The following PPRC1 variants were observed in gnomAD, a reference collection of about 807,000 sequenced individuals.
PPRC1 encodes peroxisome proliferator-activated receptor gamma coactivator-related protein 1.
A neutral mutation model predicts 132.5 loss-of-function variants in PPRC1; 23 were observed. The ratio of observed to expected loss-of-function variants is 0.17; its 90% confidence interval spans 0.12 to 0.25. The LOEUF is 0.25. PPRC1 is among the 10% of genes least tolerant of loss of function. PPRC1 has a pLI of 1.00. For missense variants in PPRC1, 2,006 were observed against 2,089.1 expected, an observed-to-expected ratio of 0.96 and a Z score of 0.78; for synonymous variants, 872 against 833.5, an observed-to-expected ratio of 1.05 and a Z score of -0.80.
At position 102,149,230 on chromosome 10, in the gene PPRC1, A is replaced by G; in HGVS notation, c.4792A>G (p.Ile1598Val). ...YRYAEEAFAA[I>V]ESGHKLRQAD... ...CTATGCTGAGGAGGCATTTGCAGCCATTGAGAGTGGCCACAAGCTGCGGCA... is the reference window on the plus strand; with the variant it reads ...CTATGCTGAGGAGGCATTTGCAGCCGTTGAGAGTGGCCACAAGCTGCGGCA... Residue 1598 changes from isoleucine (I) to valine (V), a missense_variant, in exon 13 of 14, where the codon ATT (isoleucine) becomes GTT (valine). By Grantham distance (29) the Ile-to-Val change is conservative. Coordinates refer to ENST00000278070, the MANE Select transcript of PPRC1 (RefSeq NM_015062.5). 4 of 1,612,048 alleles carry G rather than the reference A, an allele frequency of 2.5e-6. No homozygotes were observed. Among genetic ancestry groups the G allele is most frequent in the Non-Finnish European group, 3.4e-6 (4 of 1,179,004 alleles).
chr10:102,144,718 A>T, intron 7 of PPRC1: 1 of 486,062 alleles, frequency 2.1e-6, no homozygotes, highest in Non-Finnish European at 3.7e-6. Context: ...TCTGCCAAGC[A>T]TGTTCCCCTC....
At position 102,142,400 on chromosome 10, in the gene PPRC1, CTTTTTTTTTTTTTTTTTTT is replaced by C. The variant is rs71016364; in HGVS notation, c.3496+414_3496+432del. On this transcript the variant is annotated intron_variant, in intron 5 of 13. Coordinates refer to ENST00000278070, the MANE Select transcript of PPRC1 (RefSeq NM_015062.5). ...ATAGGCGTGAGCCGCTGCACCATGCCTTTTTTTTTTTTTTTTTTTTTTTTTTTTTTTTTTTTGAGATGGA... is the reference window on the plus strand; with the variant it reads ...ATAGGCGTGAGCCGCTGCACCATGCCTTTTTTTTTTTTTTTTTGAGATGGA... Among the ~76,000 whole-genome samples, 8 of 61,234 alleles carry C rather than the reference CTTTTTTTTTTTTTTTTTTT, an allele frequency of 1.3e-4. 1 individual carries two copies. The highest frequency in any genetic ancestry group is 3.9e-4 in the East Asian group (1 of 2,548). 40.2% of individuals were successfully genotyped at this position (61,234 alleles called of 152,430 possible).
chr10:102,133,701 G>A (rs1176081285), intron 1 of PPRC1, among the ~76,000 whole-genome samples: 2 of 151,786 alleles, frequency 1.3e-5, no homozygotes, highest in Non-Finnish European at 2.9e-5. Flanking sequence ...CGTGGGGGCG[G>A]GGAAGGAACG....
chr10:102,138,904 G>A lies in PPRC1; in HGVS notation c.515G>A (p.Arg172Gln), dbSNP rs768209492. The change falls in exon 4 of 14, where the codon CGG becomes CAG. Residue 172 changes from arginine (R) to glutamine (Q), a missense_variant. Physicochemically the swap from Arg to Gln is conservative, Grantham distance 43. Transcript: ENST00000278070. ...CTGCACAAGCTGCTTACTCTCTCTC[G>A]GACACCCCCAGAACGTGACCTCATC... ...SSLHKLLTLS[R>Q]TPPERDLITP... 42 of 1,613,986 alleles carry A rather than the reference G, an allele frequency of 2.6e-5. No homozygotes were observed. The highest frequency in any genetic ancestry group is 2.9e-5 in the Non-Finnish European group (34 of 1,179,972).
chr10:102,141,364 C>G lies in PPRC1; in HGVS notation c.2856C>G (p.Ala952=), dbSNP rs1462825834. 6 of 1,614,144 alleles carry G rather than the reference C, an allele frequency of 3.7e-6. No individual in the cohort carries two copies. Among genetic ancestry groups the G allele is most frequent in the Admixed American group, 3.3e-5 (2 of 60,030 alleles). The change falls in exon 5 of 14, where the codon GCC becomes GCG. Residue 952 remains alanine, a synonymous_variant. Transcript: ENST00000278070. The stretch of plus-strand genomic sequence containing the variant: ...CCCTAGTGTCTGGTACTCCTGGTGC[C>G]TATGCCGTGCCTCCCACTTGCAGTG... The part of the protein sequence containing the change: ...TVPLVSGTPG[A]YAVPPTCSVP...
intron 7 of PPRC1, chr10:102,144,678 A>G (rs964283551): frequency 2.2e-6 from 1 of 457,760 alleles, no homozygotes; most frequent in African/African-American, 2.0e-5. Flanking sequence ...GCTAGGAGTC[A>G]TTTTTCATGT....
Position 102,135,732 on chromosome 10 carries a change from T to C in PPRC1, c.154-2118T>C, listed in dbSNP as rs146863987. Among the ~76,000 whole-genome samples, 26 of 152,296 alleles carry C rather than the reference T, an allele frequency of 1.7e-4. No homozygotes were observed. The East Asian group carries it at 5.0e-3, about 29-fold the overall frequency. On this transcript the variant is annotated intron_variant, in intron 1 of 13. Coordinates refer to ENST00000278070, the MANE Select transcript of PPRC1 (RefSeq NM_015062.5). The stretch of plus-strand genomic sequence containing the variant: ...AATGCTAAGAGCAGTAAAATGCCAT[T>C]GAAGGGATTTAGGGAGGGTCTCAGG...
intron 8 of PPRC1, among the ~76,000 whole-genome samples, chr10:102,145,692 A>G (rs1252789112): frequency 3.3e-5 from 5 of 150,860 alleles, no homozygotes; most frequent in African/African-American, 9.8e-5. Context: ...GTGAAACCCC[A>G]TCTCTACTAA....
At position 102,139,438 on chromosome 10, in the gene PPRC1, G is replaced by A; in HGVS notation, c.930G>A (p.Arg310=). The change falls in exon 5 of 14, where the codon CGG becomes CGA. Residue 310 remains arginine, a synonymous_variant. Transcript: ENST00000278070. ...ESISSLSELV[R]AMHPYCLPNL... is the part of the protein sequence containing the mutation. ...TCTCCTCCCTGAGTGAGCTGGTGCG[G>A]GCCATGCACCCATACTGCCTGCCCA... 6.2e-7 allele frequency: 1 copy of A among 1,614,210 alleles called. No individual in the cohort carries two copies. Among genetic ancestry groups the A allele is most frequent in the South Asian group, 1.1e-5 (1 of 91,088 alleles).
chr10:102,127,765 T>G, the PPRC1 span, among the ~76,000 whole-genome samples: 20 of 151,836 alleles, frequency 1.3e-4, no homozygotes, highest in South Asian at 4.2e-4. Context: ...TTGCCCAAAC[T>G]GGTCATGAAC....
chr10:102,141,860 A>T lies in PPRC1; in HGVS notation c.3352A>T (p.Thr1118Ser), dbSNP rs986129955. 6.8e-6 allele frequency: 11 copies of T among 1,614,080 alleles called. No individual in the cohort carries two copies. The Middle Eastern group carries it at 9.9e-4, about 145-fold the overall frequency. ...CAGGGAGAAGCCCCCCTTGCCTGCTACCAAGGCTGTTCCCACACCAAGGCA... is the reference window on the plus strand; with the variant it reads ...CAGGGAGAAGCCCCCCTTGCCTGCTTCCAAGGCTGTTCCCACACCAAGGCA... ...RPREKPPLPA[T>S]KAVPTPRQST... is the part of the protein sequence containing the mutation. Residue 1118 changes from threonine to serine, a missense_variant, in exon 5 of 14, where the codon ACC (threonine) becomes TCC (serine). This residue lies in a region of PPRC1 where 1,914 missense variants were observed against 1,917.2 expected (regional missense o/e 1.00). Transcript: ENST00000278070.
chr10:102,143,397 G>C (rs1231939181), intron 6 of PPRC1, among the ~76,000 whole-genome samples: 3 of 152,108 alleles, frequency 2.0e-5, no homozygotes, highest in Non-Finnish European at 4.4e-5. Context: ...TCAGGAGTTT[G>C]AGACCAGCCT....
At chr10:102,127,045 A>G in the PPRC1 span, among the ~76,000 whole-genome samples, 1 of 57,284 alleles carries the variant, frequency 1.7e-5, no homozygotes, top group African/African-American at 3.9e-5. Flanking sequence ...ATATATATAT[A>G]TATATATATA....
Position 102,138,718 on chromosome 10 carries a change from A to G in PPRC1, c.442A>G (p.Ser148Gly), listed in dbSNP as rs780120480. ...ADSENLSPFD[S>G]IPDSELLVSP... ...TTCTGAGAACCTTTCTCCATTTGAC[A>G]GCATTCCTGATTCGGAGCTGCTTGT... is the stretch of plus-strand genomic sequence containing the variant. Residue 148 changes from serine to glycine, a missense_variant, in exon 3 of 14, where the codon AGC becomes GGC. This residue lies in a region of PPRC1 where 1,914 missense variants were observed against 1,917.2 expected (regional missense o/e 1.00). Transcript: ENST00000278070. 1.9e-6 allele frequency: 3 copies of G among 1,614,066 alleles called. No homozygotes were observed. Among genetic ancestry groups the G allele is most frequent in the Admixed American group, 3.3e-5 (2 of 60,000 alleles).
chr10:102,127,147 G>A, the PPRC1 span, among the ~76,000 whole-genome samples: 1 of 144,738 alleles, frequency 6.9e-6, no homozygotes, highest in African/African-American at 2.5e-5. Context: ...GGCTGAGGTG[G>A]GCAGATCACC....
upstream of PPRC1, chr10:102,132,942 C>G (rs2068572681): frequency 4.9e-6 from 6 of 1,214,688 alleles, no homozygotes; most frequent in African/African-American, 1.6e-5. Context: ...GCAAGTGGGT[C>G]TCGCCGCACG....
At position 102,139,822 on chromosome 10, in the gene PPRC1, G is replaced by A. The variant is rs1271307467; in HGVS notation, c.1314G>A (p.Val438=). The A allele has an allele frequency of 1.3e-5, 21 of 1,614,142 alleles. No homozygotes were observed. Among genetic ancestry groups the A allele is most frequent in the Non-Finnish European group, 1.7e-5 (20 of 1,180,022 alleles). The change falls in exon 5 of 14, where the codon GTG becomes GTA. Residue 438 remains valine (V), a synonymous_variant. Coordinates refer to ENST00000278070, the MANE Select transcript of PPRC1 (RefSeq NM_015062.5). ...CCAGGGAGGTCGTGGAGCCGGTGGTGCCCAAGGAGCCTCAGAACCCACCTG... is the reference window on the plus strand; with the variant it reads ...CCAGGGAGGTCGTGGAGCCGGTGGTACCCAAGGAGCCTCAGAACCCACCTG... The part of the protein sequence containing the change: ...LKPREVVEPV[V]PKEPQNPPAN...
At position 102,141,544 on chromosome 10, in the gene PPRC1, C is replaced by T. The variant is rs1405353598; in HGVS notation, c.3036C>T (p.Pro1012=). 64 of 1,613,934 alleles carry T rather than the reference C, an allele frequency of 4.0e-5. No individual in the cohort carries two copies. The highest frequency in any genetic ancestry group is 5.3e-5 in the Non-Finnish European group (63 of 1,180,038). The change falls in exon 5 of 14, where the codon CCC becomes CCT. Residue 1012 remains proline (P), a synonymous_variant. Coordinates refer to ENST00000278070, the MANE Select transcript of PPRC1 (RefSeq NM_015062.5). ...CAGCCTCCATTGGGAGAGCTGTTCC[C>T]CAACCTAAAATGGAGTCTAGGGGCA... is the stretch of plus-strand genomic sequence containing the variant. ...LPPASIGRAV[P]QPKMESRGTP... is the part of the protein sequence containing the mutation.
In PPRC1 at chr10:102,150,153, A is replaced by C; in HGVS notation, c.*124A>C. ...ACTGTTTTATAAAGAAATGGAAAAAAGTGAAATAAAAAATATGTTGAATCA... is the reference window on the plus strand; with the variant it reads ...ACTGTTTTATAAAGAAATGGAAAAACGTGAAATAAAAAATATGTTGAATCA... On this transcript the variant is annotated 3_prime_UTR_variant, in exon 14 of 14. Transcript: ENST00000278070. 1 of 681,280 alleles carries C rather than the reference A, an allele frequency of 1.5e-6. No individual in the cohort carries two copies. Among genetic ancestry groups the C allele is most frequent in the South Asian group, 2.0e-5 (1 of 49,540 alleles). The allele number at this position is 681,280 out of a possible 1,614,324, so 42.2% of individuals were successfully genotyped here.
Sources: allele counts gnomAD v4.1 joint callset (sites outside exome capture counted in the v4.1 genomes callset), GRCh38; gene constraint gnomAD v4.1.1; regional missense constraint gnomAD v4.1.1; transcripts MANE v1.5; gene names NCBI Gene and HGNC (gene_info 2026-07-23, HGNC 2026-07-21).